ALK: variants seen among roughly 807,000 people sequenced by gnomAD.
ALK encodes ALK receptor tyrosine kinase, also known as ALK tyrosine kinase receptor.
Under a neutral mutation model 163.1 loss-of-function variants are expected in ALK, and 74 were observed. That is an observed-to-expected ratio of 0.45 (90% CI 0.38 to 0.55). The LOEUF (loss-of-function observed/expected upper bound fraction) is 0.55, where lower values mean the gene tolerates loss of function less well. Ranked by LOEUF, ALK falls within the 20% of genes least tolerant of loss-of-function variation. The probability of loss-of-function intolerance (pLI) is 0.00; values close to 1 mark genes in which losing one functional copy is unlikely to be tolerated. For missense variants in ALK, 2,063 were observed against 2,105.3 expected (o/e 0.98, Z 0.39); for synonymous variants, 960 against 843.2 (o/e 1.14, Z -2.40).
intron 8 of ALK, among the ~76,000 whole-genome samples, chr2:29,313,006 C>T (rs368480475): frequency 0.087 from 13,294 of 152,202 alleles, 617 homozygotes; most frequent in Non-Finnish European, 0.1. Context: ...TAACATTACC[C>T]TGGAATCCCT....
At chr2:29,733,534 T>A (rs1212094201) in intron 1 of ALK, among the ~76,000 whole-genome samples, 1 of 152,178 alleles carries the variant, frequency 6.6e-6, no homozygotes, top group Non-Finnish European at 1.5e-5. Flanking sequence ...TCCTGTTCTG[T>A]GACATGGGAA....
intron 3 of ALK, among the ~76,000 whole-genome samples, chr2:29,686,405 T>A (rs1322780272): frequency 6.6e-6 from 1 of 152,188 alleles, no homozygotes; most frequent in African/African-American, 2.4e-5. Flanking sequence ...GAGGTGGGTC[T>A]CTCTCCCTGG....
intron 3 of ALK, among the ~76,000 whole-genome samples, chr2:29,673,808 G>C (rs1291848229): frequency 6.6e-6 from 1 of 151,484 alleles, no homozygotes; most frequent in African/African-American, 2.4e-5. Context: ...TCCTACCCAA[G>C]AGCATGGAAT....
intron 9 of ALK, among the ~76,000 whole-genome samples, chr2:29,279,940 C>T (rs1295258821): frequency 6.6e-6 from 1 of 152,032 alleles, no homozygotes; most frequent in Non-Finnish European, 1.5e-5. Context: ...TGGTATGTAT[C>T]AGGTAGACCA....
chr2:29,384,174 A>T (rs1483584247), intron 4 of ALK, among the ~76,000 whole-genome samples: 1 of 152,254 alleles, frequency 6.6e-6, no homozygotes, highest in Non-Finnish European at 1.5e-5. Context: ...ATCACAAGAA[A>T]GAATATATAT....
intron 3 of ALK, among the ~76,000 whole-genome samples, chr2:29,671,581 T>C (rs1199366975): frequency 6.6e-6 from 1 of 152,060 alleles, no homozygotes; most frequent in Non-Finnish European, 1.5e-5. Context: ...TCAATTTCAG[T>C]TTTTCCAGTG....
chr2:29,674,678 T>A (rs1677817979), intron 3 of ALK, among the ~76,000 whole-genome samples: 1 of 151,438 alleles, frequency 6.6e-6, no homozygotes, highest in Non-Finnish European at 1.5e-5. Flanking sequence ...ATCAGAATGA[T>A]GCTGGCCTCA....
chr2:29,603,540 G>A (rs1352471379), intron 3 of ALK, among the ~76,000 whole-genome samples: 1 of 152,116 alleles, frequency 6.6e-6, no homozygotes, highest in African/African-American at 2.4e-5. Context: ...AAAGGAAGGA[G>A]AGTATCATGA....
At chr2:29,446,145 A>AAAAAC (rs1553316606) in intron 4 of ALK, among the ~76,000 whole-genome samples, 6 of 131,570 alleles carry the variant, frequency 4.6e-5, no homozygotes, top group East Asian at 2.2e-4. Context: ...CTGTCTCAAA[A>AAAAAC]AAACAAACAA....
intron 23 of ALK, among the ~76,000 whole-genome samples, 192 bp from the exon 24 acceptor site, chr2:29,214,273 C>T (rs1052058038): frequency 2.6e-5 from 4 of 152,162 alleles, no homozygotes; most frequent in Non-Finnish European, 5.9e-5. Context: ...GGGCCCCAAC[C>T]CAGACCTCTC....
intron 4 of ALK, among the ~76,000 whole-genome samples, chr2:29,523,435 T>G (rs577084248): frequency 1.3e-5 from 2 of 152,116 alleles, no homozygotes; most frequent in South Asian, 4.2e-4. Context: ...GCTTCCAGAG[T>G]CCAACCAGTG....
At chr2:29,207,719 G>T (rs1484946601) in intron 25 of ALK, among the ~76,000 whole-genome samples, 1 of 152,232 alleles carries the variant, frequency 6.6e-6, no homozygotes, top group Non-Finnish European at 1.5e-5. Flanking sequence ...ACAGCATTTA[G>T]TTCAGTATAG....
chr2:29,580,303 A>T (rs1674643508), intron 3 of ALK, among the ~76,000 whole-genome samples: 1 of 152,156 alleles, frequency 6.6e-6, no homozygotes, highest in Non-Finnish European at 1.5e-5. Context: ...AATTATCCCA[A>T]CATCTGAAAA....
chr2:29,803,611 C>T lies in ALK; in HGVS notation c.668-85914G>A, dbSNP rs570647214. Among the ~76,000 whole-genome samples, 12 of 152,276 alleles carry T rather than the reference C, an allele frequency of 7.9e-5. 1 individual carries two copies. The South Asian group carries it at 2.3e-3, about 29-fold the overall frequency. On this transcript the variant is annotated intron_variant, in intron 1 of 28. Transcript: ENST00000389048. ...TATTTCCGATTGCTCTATGTTTCAT[C>T]CAATCCATCACATGGCAATTGTCTT...
chr2:29,584,281 G>A (rs191714023), intron 3 of ALK, among the ~76,000 whole-genome samples: 1 of 152,318 alleles, frequency 6.6e-6, no homozygotes, highest in Admixed American at 6.5e-5. Context: ...GTTAAACGAT[G>A]TTCCCCTAAT....
intron 1 of ALK, among the ~76,000 whole-genome samples, chr2:29,816,255 G>T (rs1664894156): frequency 6.6e-6 from 1 of 152,168 alleles, no homozygotes; most frequent in Non-Finnish European, 1.5e-5. Context: ...GCAGACAGAG[G>T]TTCACCTGGG....
In ALK at chr2:29,227,613, T is replaced by C. The variant is rs748167212; in HGVS notation, c.2875A>G (p.Ile959Val). The change falls in exon 17 of 29, where the codon ATC (isoleucine) becomes GTC (valine). Residue 959 changes from isoleucine to valine, a missense_variant. Transcript: ENST00000389048. The surrounding 1 kb of genome is among the most constrained non-coding windows in gnomAD (Gnocchi z 4.4). ...GTGTACAGGATGCCCAGTGGACTGATGAAGGAAACCCCATCTTCCCCATCC... is the reference window on the plus strand; with the variant it reads ...GTGTACAGGATGCCCAGTGGACTGACGAAGGAAACCCCATCTTCCCCATCC... Reference protein sequence around the residue: ...EMDGEDGVSFISPLGILYTPA... With the variant: ...EMDGEDGVSFVSPLGILYTPA... 6.2e-6 allele frequency: 10 copies of C among 1,614,106 alleles called. No individual in the cohort carries two copies. In the South Asian group the frequency reaches 8.8e-5, roughly 14 times the overall value.
chr2:29,235,473 G>A (rs188198880), intron 13 of ALK, among the ~76,000 whole-genome samples: 258 of 152,214 alleles, frequency 1.7e-3, no homozygotes, highest in African/African-American at 5.6e-3. Flanking sequence ...TGGATCTAGT[G>A]TGGGTGGAAG....
intron 5 of ALK, among the ~76,000 whole-genome samples, chr2:29,358,613 G>A (rs769037016): frequency 6.6e-6 from 1 of 152,138 alleles, no homozygotes; most frequent in Non-Finnish European, 1.5e-5. Context: ...CCAGTGTCAG[G>A]GAATTTGATT....
Sources: gnomAD v4.1 joint callset for allele counts (sites outside exome capture counted in the v4.1 genomes callset) on GRCh38, gnomAD v4.1.1 for gene constraint, Gnocchi (gnomAD v3.1) non-coding constraint, MANE v1.5 for transcripts, NCBI Gene and HGNC (gene_info 2026-07-23, HGNC 2026-07-21) for gene names.